The following GALNT10 variants were observed in gnomAD, a reference collection of about 807,000 sequenced individuals.
GALNT10 encodes polypeptide N-acetylgalactosaminyltransferase 10.
GALNT10 carries 41 observed loss-of-function variants against 75.0 expected under a neutral mutation model. The ratio of observed to expected loss-of-function variants is 0.55; its 90% CI spans 0.43 to 0.71. The LOEUF is 0.71. Among genes scored for constraint, GALNT10 ranks in the 30% least tolerant of loss-of-function variants. The pLI is 0.00. For missense variants in GALNT10, 727 were observed against 818.5 expected (o/e 0.89, Z 1.36); for synonymous variants, 302 against 313.0 (o/e 0.96, Z 0.37).
intron 1 of GALNT10, among the ~76,000 whole-genome samples, chr5:154,291,365 G>A (rs1476248461): frequency 1.3e-5 from 2 of 152,162 alleles, no homozygotes; most frequent in Non-Finnish European, 2.9e-5. Flanking sequence ...TGGCCCAGCA[G>A]CGTCAGCATC....
chr5:154,391,717 T>A (rs899876298), intron 7 of GALNT10, among the ~76,000 whole-genome samples: 1 of 152,220 alleles, frequency 6.6e-6, no homozygotes, highest in African/African-American at 2.4e-5. Flanking sequence ...TAACTGAAAT[T>A]CCAGGGTAGA....
chr5:154,289,132 G>A (rs938708948), intron 1 of GALNT10, among the ~76,000 whole-genome samples: 3 of 152,142 alleles, frequency 2.0e-5, no homozygotes, highest in Non-Finnish European at 2.9e-5. Flanking sequence ...GGAACATACC[G>A]TGTTTTCATA....
chr5:154,397,178 T>C (rs1756036422), intron 7 of GALNT10, among the ~76,000 whole-genome samples: 1 of 138,156 alleles, frequency 7.2e-6, no homozygotes, highest in East Asian at 2.2e-4. Context: ...AAACTAAAGT[T>C]GTTCTTTTCT....
intron 1 of GALNT10, among the ~76,000 whole-genome samples, chr5:154,236,429 T>C (rs993418715): frequency 6.6e-6 from 1 of 152,256 alleles, no homozygotes; most frequent in Non-Finnish European, 1.5e-5. Flanking sequence ...ATTTTGGTCA[T>C]TGCACATTAA....
intron 7 of GALNT10, among the ~76,000 whole-genome samples, chr5:154,397,656 G>C (rs1398122794): frequency 6.6e-6 from 1 of 152,242 alleles, no homozygotes; most frequent in Non-Finnish European, 1.5e-5. Flanking sequence ...GCAATTATTA[G>C]TATAGTCTTT....
intron 1 of GALNT10, among the ~76,000 whole-genome samples, chr5:154,250,040 G>A (rs939834641): frequency 1.3e-5 from 2 of 152,192 alleles, no homozygotes; most frequent in South Asian, 2.1e-4. Context: ...GGTGTTTTCT[G>A]CAGGCAACTG....
At chr5:154,269,392 A>T (rs1753827706) in intron 1 of GALNT10, among the ~76,000 whole-genome samples, 1 of 152,230 alleles carries the variant, frequency 6.6e-6, no homozygotes, top group Non-Finnish European at 1.5e-5. Flanking sequence ...CACACAAAAA[A>T]GTCCTATTGA....
intron 1 of GALNT10, among the ~76,000 whole-genome samples, chr5:154,289,052 G>A (rs1314816325): frequency 1.3e-5 from 2 of 152,206 alleles, no homozygotes; most frequent in Non-Finnish European, 2.9e-5. Flanking sequence ...GCCTCTGCAG[G>A]ACCCACAGTT....
At chr5:154,250,553 C>G (rs944061053) in intron 1 of GALNT10, among the ~76,000 whole-genome samples, 1 of 152,146 alleles carries the variant, frequency 6.6e-6, no homozygotes, top group African/African-American at 2.4e-5. Flanking sequence ...GTTAAAGTTT[C>G]TCATCGCCCC....
chr5:154,237,843 G>A (rs922210917), intron 1 of GALNT10, among the ~76,000 whole-genome samples: 10 of 152,124 alleles, frequency 6.6e-5, no homozygotes, highest in East Asian at 1.9e-4. Flanking sequence ...TATCACTGTC[G>A]ATGTTGACCT....
Position 154,409,126 on chromosome 5 carries a change from A to T in GALNT10, c.1165-415A>T. 6.6e-6 allele frequency among the ~76,000 whole-genome samples: 1 copy of T among 152,140 alleles called. No homozygotes were observed. The highest frequency in any genetic ancestry group is 1.9e-4 in the East Asian group (1 of 5,176). The stretch of plus-strand genomic sequence containing the variant: ...CCAAGGCTGATGCCTGTTGGTTGTG[A>T]TTGGTGGGGCTTAGGGAATGGGTCT... On this transcript the variant is annotated intron_variant, in intron 8 of 11. Transcript: ENST00000297107. This position sits in a 1 kb window ranked among gnomAD's most constrained non-coding sequence, Gnocchi z 4.5.
intron 1 of GALNT10, among the ~76,000 whole-genome samples, chr5:154,225,994 A>C (rs918555594): frequency 1.3e-5 from 2 of 151,944 alleles, no homozygotes; most frequent in Admixed American, 6.6e-5. Flanking sequence ...GGGGTAGGGG[A>C]AGGGGGGAGG....
chr5:154,261,276 A>AAC (rs398109571), intron 1 of GALNT10, among the ~76,000 whole-genome samples: 4 of 151,986 alleles, frequency 2.6e-5, no homozygotes, highest in Admixed American at 1.3e-4. Context: ...AGAAAAAAAA[A>AAC]CAGCATTAGT....
chr5:154,342,169 C>G (rs1026324263), intron 4 of GALNT10, among the ~76,000 whole-genome samples: 1 of 152,098 alleles, frequency 6.6e-6, no homozygotes, highest in Admixed American at 6.5e-5. Context: ...CTGTCTACCT[C>G]AAAGTCTCAT....
intron 3 of GALNT10, among the ~76,000 whole-genome samples, chr5:154,299,831 A>AT (rs4032070): frequency 1.5e-5 from 2 of 130,424 alleles, no homozygotes; most frequent in Non-Finnish European, 3.2e-5. Flanking sequence ...CAAATCCCAG[A>AT]TTTTTTTTTT....
At position 154,190,835 on chromosome 5, in the gene GALNT10, CCGGCGG is replaced by C. The variant is rs1774845088; in HGVS notation, c.-31_-26del. On this transcript the variant is annotated 5_prime_UTR_variant, in exon 1 of 12. Coordinates refer to ENST00000297107, the MANE Select transcript of GALNT10 (RefSeq NM_198321.4). ...CGGAGCTGGGGGCGGCGCGGCGGGG[CCGGCGG>C]GGCGCGGCGGGGCTGACCGGCCCCG... 7.1e-6 allele frequency: 8 copies of C among 1,131,960 alleles called. No homozygotes were observed. The highest frequency in any genetic ancestry group is 8.7e-6 in the Non-Finnish European group (8 of 921,474). 70.1% of individuals were successfully genotyped at this position (1,131,960 alleles called of 1,614,324 possible).
At chr5:154,369,168 A>T (rs1755524573) in intron 4 of GALNT10, among the ~76,000 whole-genome samples, 1 of 152,188 alleles carries the variant, frequency 6.6e-6, no homozygotes, top group Non-Finnish European at 1.5e-5. Flanking sequence ...TGGGTGGATC[A>T]CTTCAGATCA....
chr5:154,209,679 C>T (rs1037831502), intron 1 of GALNT10, among the ~76,000 whole-genome samples: 3 of 152,198 alleles, frequency 2.0e-5, no homozygotes, highest in South Asian at 4.1e-4. Flanking sequence ...ATCCCATTCA[C>T]GATGGCTCCA....
intron 1 of GALNT10, among the ~76,000 whole-genome samples, chr5:154,280,342 G>A (rs1464685495): frequency 6.6e-6 from 1 of 152,126 alleles, no homozygotes; most frequent in Non-Finnish European, 1.5e-5. Flanking sequence ...GTGTTCTATA[G>A]CACTGTAGGA....
Sources: allele counts gnomAD v4.1 joint callset (sites outside exome capture counted in the v4.1 genomes callset), GRCh38; gene constraint gnomAD v4.1.1; non-coding constraint Gnocchi (gnomAD v3.1); transcripts MANE v1.5; gene names NCBI Gene and HGNC (gene_info 2026-07-23, HGNC 2026-07-21).